Variants in RRM2B observed in about 807,000 individuals in gnomAD.
RRM2B encodes the protein ribonucleoside-diphosphate reductase subunit M2 B.
RRM2B carries 20 observed loss-of-function variants against 45.9 expected under a neutral mutation model. The ratio of observed to expected loss-of-function variants is 0.44; its 90% CI spans 0.31 to 0.63. RRM2B has a LOEUF of 0.63. RRM2B is among the 30% of genes least tolerant of loss of function. RRM2B has a pLI of 0.09. For missense variants in RRM2B, 320 were observed against 414.7 expected (o/e 0.77, Z 1.98); for synonymous variants, 124 against 132.3 (o/e 0.94, Z 0.43).
In RRM2B at chr8:102,238,850, C is replaced by G; in HGVS notation, c.25G>C (p.Ala9Pro). Residue 9 changes from alanine to proline, a missense_variant, in exon 1 of 9, where the codon GCG becomes CCG. Around this residue, in one of 3 missense-constraint regions of RRM2B, gnomAD observed 48 missense variants for 35.3 expected, o/e 1.36. Transcript: ENST00000251810. The part of the protein sequence containing the change: MGDPERPE[A>P]AGLDQDERSS... ...ACCTCATCCTGATCCAGCCCGGCCG[C>G]TTCCGGCCTTTCCGGGTCGCCCATC... The G allele has an allele frequency of 1.9e-6, 3 of 1,613,268 alleles. No homozygotes were observed. Among genetic ancestry groups the G allele is most frequent in the Non-Finnish European group, 2.5e-6 (3 of 1,179,918 alleles).
At chr8:102,225,228 C>CTTTTTTTTTT (rs918693739) in intron 3 of RRM2B, among the ~76,000 whole-genome samples, 7 of 87,524 alleles carry the variant, frequency 8.0e-5, no homozygotes, top group Non-Finnish European at 1.3e-4. Context: ...ATAGTATATT[C>CTTTTTTTTTT]TTTTTTTTTT....
At chr8:102,218,700 TG>T in intron 6 of RRM2B, 113 bp downstream of exon 6, 1 of 875,578 alleles carries the variant, frequency 1.1e-6, no homozygotes, top group Non-Finnish European at 1.8e-6. Flanking sequence ...TATGCCAGCC[TG>T]GGTGACAGAG....
rs551972635 is a variant in RRM2B, at chr8:102,215,524, T to C, written c.685-1366A>G. Among the ~76,000 whole-genome samples the C allele has an allele frequency of 1.1e-4, 16 of 152,170 alleles. No individual in the cohort carries two copies. The East Asian group carries it at 1.4e-3, about 13-fold the overall frequency. Reference sequence around the variant, plus strand: ...AATACCAATCAAAATCCCAATGGAATTGGTGTGTGTGTGTTTGTAATTTAT... The same window carrying C: ...AATACCAATCAAAATCCCAATGGAACTGGTGTGTGTGTGTTTGTAATTTAT... On this transcript the variant is annotated intron_variant, in intron 6 of 8. Transcript: ENST00000251810.
At chr8:102,228,778 G>A (rs1175393703) in intron 2 of RRM2B, among the ~76,000 whole-genome samples, 1 of 152,212 alleles carries the variant, frequency 6.6e-6, no homozygotes, top group Non-Finnish European at 1.5e-5. Flanking sequence ...GTTTGCCCCT[G>A]CCAGCGCCAA....
At position 102,218,631 on chromosome 8, in the gene RRM2B, G is replaced by A. The variant is rs28927370; in HGVS notation, c.684+183C>T. ...TCCCAGCAACAATGGAGGCTGAGATGGGAGGAATGCTTGAGCCCAGGGAAG... is the reference window on the plus strand; with the variant it reads ...TCCCAGCAACAATGGAGGCTGAGATAGGAGGAATGCTTGAGCCCAGGGAAG... On this transcript the variant is annotated intron_variant, in intron 6 of 8. Coordinates refer to ENST00000251810, the MANE Select transcript of RRM2B (RefSeq NM_015713.5). 0.033 allele frequency among the ~76,000 whole-genome samples: 5,053 copies of A among 151,728 alleles called. 525 individuals are homozygous for A. The East Asian group carries it at 0.39, about 12-fold the overall frequency.
chr8:102,210,009 G>A (rs1810608511), intron 8 of RRM2B, among the ~76,000 whole-genome samples: 1 of 152,210 alleles, frequency 6.6e-6, no homozygotes, highest in Admixed American at 6.5e-5. Flanking sequence ...TGGGTAAGGG[G>A]AGGAAAGAGG....
At chr8:102,209,740 C>T (rs781718251) in intron 8 of RRM2B, among the ~76,000 whole-genome samples, 7 of 152,136 alleles carry the variant, frequency 4.6e-5, no homozygotes, top group South Asian at 2.1e-4. Flanking sequence ...AAATGTCCAT[C>T]GAATGGATAA....
At chr8:102,217,827 T>TGA (rs1554610677) in intron 6 of RRM2B, among the ~76,000 whole-genome samples, 6 of 140,524 alleles carry the variant, frequency 4.3e-5, no homozygotes, top group African/African-American at 1.3e-4. Context: ...CAAAAAGGTT[T>TGA]AAAAAAAAAA....
At chr8:102,218,192 A>G (rs1181391854) in intron 6 of RRM2B, among the ~76,000 whole-genome samples, 1 of 152,188 alleles carries the variant, frequency 6.6e-6, no homozygotes, top group Non-Finnish European at 1.5e-5. Flanking sequence ...GAGCATTTAG[A>G]TGGTAGCTGA....
chr8:102,211,004 C>CAGAG (rs147839097), intron 8 of RRM2B, among the ~76,000 whole-genome samples: 7 of 148,256 alleles, frequency 4.7e-5, no homozygotes, highest in Admixed American at 2.0e-4. Context: ...CATGTATATG[C>CAGAG]AGAGAGAGAG....
intron 4 of RRM2B, 91 bp downstream of exon 4, chr8:102,224,794 A>AGTATGGAATGT: frequency 1.6e-6 from 2 of 1,268,006 alleles, no homozygotes; most frequent in Non-Finnish European, 2.3e-6. Context: ...TACTTGAATA[A>AGTATGGAATGT]TCTTTCCTTA....
chr8:102,222,413 G>A (rs1446004912), intron 5 of RRM2B, among the ~76,000 whole-genome samples: 1 of 152,156 alleles, frequency 6.6e-6, no homozygotes, highest in Non-Finnish European at 1.5e-5. Flanking sequence ...AGGCAAGGAG[G>A]CAAACATATC....
In RRM2B at chr8:102,220,760, A is replaced by C. The variant is rs113978904; in HGVS notation, c.551-1813T>G. Among the ~76,000 whole-genome samples the C allele has an allele frequency of 2.1e-4, 32 of 152,354 alleles. 1 individual carries two copies. The highest frequency in any genetic ancestry group is 7.7e-4 in the African/African-American group (32 of 41,580). On this transcript the variant is annotated intron_variant, in intron 5 of 8. Transcript: ENST00000251810. ...GGAAAATTGGTATTGTAACCATGCTATACATTAATGTGAATACTAAAGAAT... is the reference window on the plus strand; with the variant it reads ...GGAAAATTGGTATTGTAACCATGCTCTACATTAATGTGAATACTAAAGAAT...
chr8:102,235,169 G>A (rs1006260289), intron 1 of RRM2B, among the ~76,000 whole-genome samples: 1 of 152,120 alleles, frequency 6.6e-6, no homozygotes. Context: ...AGAAATTAGA[G>A]GCAGAAAGAA....
At chr8:102,219,484 T>C (rs983946281) in intron 5 of RRM2B, among the ~76,000 whole-genome samples, 2 of 152,198 alleles carry the variant, frequency 1.3e-5, no homozygotes, top group Non-Finnish European at 2.9e-5. Context: ...GGATAATAAA[T>C]ATATCTATTA....
At chr8:102,211,024 G>T (rs1810626189) in intron 8 of RRM2B, among the ~76,000 whole-genome samples, 1 of 151,362 alleles carries the variant, frequency 6.6e-6, no homozygotes, top group Non-Finnish European at 1.5e-5. Context: ...GAGAGAGAGA[G>T]CGAGAGAGAA....
intron 1 of RRM2B, chr8:102,238,546 G>C (rs1811165409): frequency 6.7e-7 from 1 of 1,503,064 alleles, no homozygotes; most frequent in Non-Finnish European, 8.9e-7. Flanking sequence ...ATAAACGCAG[G>C]GGTAAGTCTC....
Position 102,226,051 on chromosome 8 carries a change from T to C in RRM2B, c.205-17A>G, listed in dbSNP as rs749437061. The C allele has an allele frequency of 1.7e-5, 25 of 1,495,350 alleles. No individual in the cohort carries two copies. The highest frequency in any genetic ancestry group is 2.1e-5 in the Non-Finnish European group (23 of 1,072,634). The allele number at this position is 1,495,350 out of a possible 1,614,324, so 92.6% of individuals were successfully genotyped here. A position where few individuals can be genotyped will look rare whatever the true frequency, so the allele number is the denominator to read the frequency against. On this transcript the variant is annotated splice_polypyrimidine_tract_variant and intron_variant, in intron 2 of 8. Coordinates refer to ENST00000251810, the MANE Select transcript of RRM2B (RefSeq NM_015713.5). ...TAAGTCGACCTGGAATAAAAAGATT[T>C]TCAAAAATTTTAATTTGGAGTTAAG...
At chr8:102,234,471 T>G (rs1244606485) in intron 1 of RRM2B, among the ~76,000 whole-genome samples, 1 of 152,078 alleles carries the variant, frequency 6.6e-6, no homozygotes, top group Non-Finnish European at 1.5e-5. Flanking sequence ...AGAAAGTTCA[T>G]GCATCTTGAA....
Sources: allele counts gnomAD v4.1 joint callset (sites outside exome capture counted in the v4.1 genomes callset), GRCh38; gene constraint gnomAD v4.1.1; regional missense constraint gnomAD v4.1.1; transcripts MANE v1.5; gene names NCBI Gene and HGNC (gene_info 2026-07-23, HGNC 2026-07-21).